GABRG3: variants seen among roughly 807,000 people sequenced by gnomAD.
The protein encoded by GABRG3 is gamma-aminobutyric acid receptor subunit gamma-3.
GABRG3 carries 25 observed loss-of-function variants against 48.8 expected under a neutral mutation model. That is an observed-to-expected ratio of 0.51 (90% CI 0.37 to 0.72). The LOEUF (loss-of-function observed/expected upper bound fraction) is 0.72. GABRG3 is among the 30% of genes least tolerant of loss of function. GABRG3 has a pLI of 0.00. For missense variants in GABRG3, 394 were observed against 577.9 expected, an observed-to-expected ratio of 0.68 and a Z score of 3.26; for synonymous variants, 227 against 217.6, an observed-to-expected ratio of 1.04 and a Z score of -0.38.
At chr15:27,268,043 C>A (rs974904272) in intron 3 of GABRG3, among the ~76,000 whole-genome samples, 2 of 152,126 alleles carry the variant, frequency 1.3e-5, no homozygotes, top group African/African-American at 2.4e-5. Flanking sequence ...TCAGGGTAAT[C>A]CTGGCCTCAT....
intron 3 of GABRG3, among the ~76,000 whole-genome samples, chr15:27,178,075 G>A (rs889651800): frequency 3.9e-5 from 6 of 152,190 alleles, no homozygotes; most frequent in African/African-American, 9.7e-5. Flanking sequence ...CCCAGATGGA[G>A]GATTCTTGTC....
chr15:27,501,231 G>A (rs546613912), intron 6 of GABRG3, among the ~76,000 whole-genome samples: 68 of 152,256 alleles, frequency 4.5e-4, no homozygotes, highest in Middle Eastern at 6.8e-3. Flanking sequence ...GATTACAGGC[G>A]TGAGCCACCG....
Position 27,527,607 on chromosome 15 carries a change from C to G in GABRG3, c.1040C>G (p.Thr347Ser). 1 of 1,611,580 alleles carries G rather than the reference C, an allele frequency of 6.2e-7. No homozygotes were observed. The highest frequency in any genetic ancestry group is 8.5e-7 in the Non-Finnish European group (1 of 1,178,680). Residue 347 changes from threonine to serine, a missense_variant, in exon 8 of 10, where the codon ACC becomes AGC. Thr to Ser is a moderately conservative substitution (Grantham distance 58). Coordinates refer to ENST00000615808, the MANE Select transcript of GABRG3 (RefSeq NM_033223.5). ...LNYYSSCRKP[T>S]TTKKTTSLLH... is the part of the protein sequence containing the mutation. ...TACTATTCCAGCTGTAGAAAACCAA[C>G]CACCACGAAGAAGACAACATCGGTG...
intron 3 of GABRG3, among the ~76,000 whole-genome samples, chr15:27,291,856 G>A (rs1318439625): frequency 6.6e-6 from 1 of 152,170 alleles, no homozygotes; most frequent in Admixed American, 6.5e-5. Context: ...CAATAAATTT[G>A]GGTATTGATC....
At chr15:27,199,134 T>C (rs1218739687) in intron 3 of GABRG3, among the ~76,000 whole-genome samples, 1 of 152,132 alleles carries the variant, frequency 6.6e-6, no homozygotes, top group East Asian at 1.9e-4. Context: ...TCCCAGAACT[T>C]AAGCATATAA....
intron 2 of GABRG3, among the ~76,000 whole-genome samples, chr15:27,020,578 AT>A (rs35179540): frequency 0.37 from 55,623 of 148,910 alleles, 11,234 homozygotes; most frequent in Middle Eastern, 0.53. Context: ...CGCCCGGCTA[AT>A]TTTTTTTTTT....
At chr15:27,093,006 G>A (rs1897215662) in intron 3 of GABRG3, among the ~76,000 whole-genome samples, 1 of 151,990 alleles carries the variant, frequency 6.6e-6, no homozygotes. Flanking sequence ...TTGTTTTCCT[G>A]GCACACATCC....
chr15:27,309,119 CAT>C lies in GABRG3; in HGVS notation c.271-17686_271-17685del, dbSNP rs779181526. 5.1e-3 allele frequency among the ~76,000 whole-genome samples: 753 copies of C among 147,874 alleles called. 3 individuals are homozygous for C. Among genetic ancestry groups the C allele is most frequent in the Non-Finnish European group, 6.6e-3 (438 of 66,644 alleles). On this transcript the variant is annotated intron_variant, in intron 3 of 9. Coordinates refer to ENST00000615808, the MANE Select transcript of GABRG3 (RefSeq NM_033223.5). The stretch of plus-strand genomic sequence containing the variant: ...GTAAACACAGATGTTTATATAGAAA[CAT>C]ATAATGTAAACATAGATGTTTATAT...
chr15:27,017,235 C>T (rs900495894), intron 2 of GABRG3, among the ~76,000 whole-genome samples: 1 of 152,062 alleles, frequency 6.6e-6, no homozygotes, highest in Admixed American at 6.6e-5. Flanking sequence ...TCTGGGGATG[C>T]GTACTCCCCG....
chr15:27,433,153 T>C (rs149883391), intron 5 of GABRG3, among the ~76,000 whole-genome samples: 219 of 152,350 alleles, frequency 1.4e-3, no homozygotes, highest in African/African-American at 5.0e-3. Flanking sequence ...TCTAGGCTTT[T>C]TCTAACGTGG....
chr15:27,367,192 C>T (rs745703844), intron 5 of GABRG3, among the ~76,000 whole-genome samples: 39 of 152,200 alleles, frequency 2.6e-4, no homozygotes, highest in Admixed American at 9.8e-4. Flanking sequence ...CACTACCTCC[C>T]TCCCCCTACA....
At chr15:27,042,548 TG>T (rs1896295259) in intron 3 of GABRG3, among the ~76,000 whole-genome samples, 2 of 152,238 alleles carry the variant, frequency 1.3e-5, no homozygotes, top group South Asian at 2.1e-4. Flanking sequence ...TCACCCTCCC[TG>T]GGTGCTGTTC....
chr15:27,256,398 G>A (rs1301226782), intron 3 of GABRG3, among the ~76,000 whole-genome samples: 10 of 144,964 alleles, frequency 6.9e-5, no homozygotes, highest in East Asian at 2.1e-4. Flanking sequence ...CCGAGATGGC[G>A]CCACTGCACT....
chr15:27,206,810 T>C (rs1025670388), intron 3 of GABRG3, among the ~76,000 whole-genome samples: 1 of 152,208 alleles, frequency 6.6e-6, no homozygotes, highest in African/African-American at 2.4e-5. Context: ...GGTAATATCC[T>C]TCTGTGTCCT....
chr15:27,385,294 A>G (rs1236429192), intron 5 of GABRG3, among the ~76,000 whole-genome samples: 1 of 151,330 alleles, frequency 6.6e-6, no homozygotes, highest in African/African-American at 2.4e-5. Context: ...ATCATCATAG[A>G]CTACGTTTTT....
chr15:27,069,460 C>T (rs960538440), intron 3 of GABRG3, among the ~76,000 whole-genome samples: 4 of 152,150 alleles, frequency 2.6e-5, no homozygotes, highest in Non-Finnish European at 4.4e-5. Context: ...ACGGTTCTAC[C>T]GTGTATCAGG....
chr15:27,049,391 G>A (rs1313851862), intron 3 of GABRG3, among the ~76,000 whole-genome samples: 2 of 152,178 alleles, frequency 1.3e-5, no homozygotes, highest in African/African-American at 4.8e-5. Flanking sequence ...GCACCTGCTA[G>A]CTGTCTGTGC....
chr15:27,009,846 T>C (rs1350051020), intron 2 of GABRG3, among the ~76,000 whole-genome samples: 3 of 152,162 alleles, frequency 2.0e-5, no homozygotes, highest in African/African-American at 7.2e-5. Flanking sequence ...CAACTTCTTC[T>C]TCCTCTTCCT....
chr15:27,397,607 GC>G (rs1887345180), intron 5 of GABRG3, among the ~76,000 whole-genome samples: 1 of 151,930 alleles, frequency 6.6e-6, no homozygotes, highest in Non-Finnish European at 1.5e-5. Context: ...TCTGAAATTT[GC>G]CTCCGCCTCT....
Sources: allele counts gnomAD v4.1 joint callset (sites outside exome capture counted in the v4.1 genomes callset), GRCh38; gene constraint gnomAD v4.1.1; transcripts MANE v1.5; gene names NCBI Gene and HGNC (gene_info 2026-07-23, HGNC 2026-07-21).